Variants in WDR59 observed in about 807,000 individuals in gnomAD.
WDR59 encodes the protein GATOR2 complex protein WDR59.
In WDR59, 100 loss-of-function variants were observed where a neutral mutation model predicts 131.2. The observed-to-expected ratio is 0.76, with a 90% CI of 0.65 to 0.90. The LOEUF (loss-of-function observed/expected upper bound fraction) is 0.90. Among genes scored for constraint, WDR59 ranks in the 40% least tolerant of loss-of-function variants. WDR59 has a pLI of 0.00. For synonymous variants in WDR59, 601 were observed against 466.2 expected, an observed-to-expected ratio of 1.29 and a Z score of -3.72; for missense variants, 1,203 against 1,262.2, an observed-to-expected ratio of 0.95 and a Z score of 0.71.
chr16:74,934,948 G>A (rs2031682826), intron 8 of WDR59, among the ~76,000 whole-genome samples: 1 of 152,146 alleles, frequency 6.6e-6, no homozygotes, highest in African/African-American at 2.4e-5. Context: ...AGCAAGGGTG[G>A]TCGGGCATGG....
At chr16:74,887,625 A>T in intron 23 of WDR59, 58 bp downstream of exon 23, 1 of 1,517,510 alleles carries the variant, frequency 6.6e-7, no homozygotes, top group East Asian at 2.3e-5. Flanking sequence ...AAGGTTACAT[A>T]TGCACAGCTC....
At chr16:74,913,253 C>G (rs1966196144) in intron 13 of WDR59, among the ~76,000 whole-genome samples, 1 of 151,180 alleles carries the variant, frequency 6.6e-6, no homozygotes, top group Admixed American at 6.6e-5. Context: ...GGCCTGTTCC[C>G]AACACAAAGT....
chr16:74,889,668 A>G lies in WDR59; in HGVS notation c.2195+35T>C, dbSNP rs200547045. The G allele has an allele frequency of 2.6e-6, 4 of 1,549,972 alleles. No individual in the cohort carries two copies. The Admixed American group carries it at 5.2e-5, about 20-fold the overall frequency. On this transcript the variant is annotated intron_variant, in intron 21 of 25. Coordinates refer to ENST00000262144, the MANE Select transcript of WDR59 (RefSeq NM_030581.4). Reference sequence around the variant, plus strand: ...TGTTTACAGACCAAAAATGGACATCACTCATTTTTCTCATTTTTAGCTCTC... The same window carrying G: ...TGTTTACAGACCAAAAATGGACATCGCTCATTTTTCTCATTTTTAGCTCTC...
At chr16:74,923,168 A>T (rs918620998) in intron 9 of WDR59, among the ~76,000 whole-genome samples, 3 of 152,230 alleles carry the variant, frequency 2.0e-5, no homozygotes, top group Non-Finnish European at 4.4e-5. Context: ...AAAGGAGGGC[A>T]TAGTAAAAAT....
rs760009646 is a variant in WDR59, at chr16:74,916,236, A to T, written c.990T>A (p.Asp330Glu). The change falls in exon 12 of 26, where the codon GAT becomes GAA. Residue 330 changes from aspartate to glutamate, a missense_variant. By Grantham distance (45) the Asp-to-Glu change is conservative. Coordinates refer to ENST00000262144, the MANE Select transcript of WDR59 (RefSeq NM_030581.4). Reference sequence around the variant, plus strand: ...TACTCTCAATGAACTCATCAACACCATCTAATATGTCATTTGCACAAAGCT... The same window carrying T: ...TACTCTCAATGAACTCATCAACACCTTCTAATATGTCATTTGCACAAAGCT... ...MQRLCANDIL[D>E]GVDEFIESIS... is the part of the protein sequence containing the mutation. 2 of 1,614,052 alleles carry T rather than the reference A, an allele frequency of 1.2e-6. No homozygotes were observed. The highest frequency in any genetic ancestry group is 1.7e-6 in the Non-Finnish European group (2 of 1,179,980).
chr16:74,960,753 TAAAA>T (rs59914217), intron 2 of WDR59, among the ~76,000 whole-genome samples: 1 of 118,716 alleles, frequency 8.4e-6, no homozygotes. Flanking sequence ...GTCTCAAAAA[TAAAA>T]AAAAAAAAAA....
chr16:74,885,448 CAAAAAAAAAA>C (rs397855343), intron 25 of WDR59, among the ~76,000 whole-genome samples, 195 bp downstream of exon 25: 12 of 62,384 alleles, frequency 1.9e-4, no homozygotes, highest in South Asian at 2.2e-3. Context: ...GATTCCATCT[CAAAAAAAAAA>C]AAAAAAAAAA....
intron 2 of WDR59, among the ~76,000 whole-genome samples, chr16:74,965,012 C>T (rs1335043382): frequency 6.6e-6 from 1 of 151,618 alleles, no homozygotes; most frequent in African/African-American, 2.4e-5. Flanking sequence ...TGCAGTGAGC[C>T]GAGATCGCGC....
Position 74,917,999 on chromosome 16 carries a change from T to G in WDR59, c.896A>C (p.Asp299Ala), listed in dbSNP as rs753441144. 1 of 1,613,658 alleles carries G rather than the reference T, an allele frequency of 6.2e-7. No homozygotes were observed. The highest frequency in any genetic ancestry group is 1.1e-5 in the South Asian group (1 of 91,038). Residue 299 changes from aspartate to alanine, a missense_variant, in exon 11 of 26, where the codon GAC becomes GCC. Asp to Ala is a moderately radical substitution (Grantham distance 126). Transcript: ENST00000262144. ...CCGGGACCACGTCACCAGTTGATAG[T>G]CCTTGGACCCTAGAAATCACCAAAT... ...QWRKQKEGSK[D>A]YQLVTWSRDQ...
chr16:74,944,438 C>T (rs1402544308), intron 6 of WDR59, among the ~76,000 whole-genome samples: 2 of 150,538 alleles, frequency 1.3e-5, no homozygotes, highest in East Asian at 3.9e-4. Flanking sequence ...TGCACTCAGG[C>T]CTGGGCAACA....
chr16:74,984,825 A>C (rs966494781), intron 1 of WDR59, 139 bp downstream of exon 1: 3 of 1,235,506 alleles, frequency 2.4e-6, no homozygotes, highest in Admixed American at 2.4e-5. Context: ...GGGGCCTAAG[A>C]GGTCGGCTAA....
In WDR59 at chr16:74,929,991, C is replaced by T. The variant is rs201576850; in HGVS notation, c.652-5988G>A. Among the ~76,000 whole-genome samples, 13 of 152,236 alleles carry T rather than the reference C, an allele frequency of 8.5e-5. No homozygotes were observed. The East Asian group carries it at 1.9e-3, about 23-fold the overall frequency. ...GGAGCTAAAAATTAAAACAATTGAA[C>T]TCATGAAGATAGAGAGCAGAATGAT... On this transcript the variant is annotated intron_variant, in intron 8 of 25. Coordinates refer to ENST00000262144, the MANE Select transcript of WDR59 (RefSeq NM_030581.4).
chr16:74,957,784 G>A (rs911017342), intron 2 of WDR59, among the ~76,000 whole-genome samples: 1 of 151,966 alleles, frequency 6.6e-6, no homozygotes, highest in Non-Finnish European at 1.5e-5. Flanking sequence ...ATGAGAATAG[G>A]CAGGCTCAAA....
At chr16:74,940,209 T>C (rs1318816323) in intron 7 of WDR59, among the ~76,000 whole-genome samples, 1 of 151,998 alleles carries the variant, frequency 6.6e-6, no homozygotes, top group African/African-American at 2.4e-5. Context: ...TGAAACCCTG[T>C]CTCTACTAAA....
chr16:74,985,083 G>A lies in WDR59; in HGVS notation c.-66C>T, dbSNP rs899535434. 1.4e-6 allele frequency: 2 copies of A among 1,470,696 alleles called. No individual in the cohort carries two copies. Among genetic ancestry groups the A allele is most frequent in the African/African-American group, 2.8e-5 (2 of 71,380 alleles). 91.1% of individuals were successfully genotyped at this position (1,470,696 alleles called of 1,614,324 possible). A position where few individuals can be genotyped will look rare whatever the true frequency, so the allele number is the denominator to read the frequency against. On this transcript the variant is annotated 5_prime_UTR_variant, in exon 1 of 26. Coordinates refer to ENST00000262144, the MANE Select transcript of WDR59 (RefSeq NM_030581.4). ...CCACCCCGCCGTCCCCAGTATCCCG[G>A]GACCGTGCGCCCCACACAGCCAGAG...
At chr16:74,894,493 GA>G (rs1471802382) in intron 18 of WDR59, among the ~76,000 whole-genome samples, 1 of 152,176 alleles carries the variant, frequency 6.6e-6, no homozygotes, top group African/African-American at 2.4e-5. Flanking sequence ...CTGTATGTGT[GA>G]AATGAGAGAT....
At chr16:74,918,149 T>C (rs1966484341) in intron 10 of WDR59, 141 bp from the exon 11 acceptor site, 1 of 720,052 alleles carries the variant, frequency 1.4e-6, no homozygotes, top group Non-Finnish European at 2.4e-6. Context: ...CTATTCTAGG[T>C]ACCAGGACTA....
At chr16:74,917,636 C>T (rs1293044371) in intron 11 of WDR59, among the ~76,000 whole-genome samples, 1 of 151,830 alleles carries the variant, frequency 6.6e-6, no homozygotes, top group Non-Finnish European at 1.5e-5. Flanking sequence ...TGGTGAAACC[C>T]CGTCTCTACT....
At chr16:74,943,847 C>T (rs2032411731) in intron 6 of WDR59, among the ~76,000 whole-genome samples, 1 of 152,182 alleles carries the variant, frequency 6.6e-6, no homozygotes, top group Non-Finnish European at 1.5e-5. Context: ...AGAACTTGGT[C>T]CTGTCCAAGG....
Sources: gnomAD v4.1 joint callset for allele counts (sites outside exome capture counted in the v4.1 genomes callset) on GRCh38, gnomAD v4.1.1 for gene constraint, MANE v1.5 for transcripts, NCBI Gene and HGNC (gene_info 2026-07-23, HGNC 2026-07-21) for gene names.